LPP: variants seen among roughly 807,000 people sequenced by gnomAD.
LPP encodes LIM domain containing preferred translocation partner in lipoma.
In LPP, 38 loss-of-function variants were observed where a neutral mutation model predicts 60.4. The ratio of observed to expected loss-of-function variants is 0.63; its 90% confidence interval spans 0.49 to 0.83. LPP has a LOEUF of 0.83. Among genes scored for constraint, LPP ranks in the 40% least tolerant of loss-of-function variants. The pLI, the probability that LPP is intolerant of heterozygous loss-of-function variation, is 0.00. For synonymous variants in LPP, 328 were observed against 290.8 expected (o/e 1.13, Z -1.30); for missense variants, 902 against 783.6 (o/e 1.15, Z -1.80).
intron 3 of LPP, among the ~76,000 whole-genome samples, chr3:188,388,118 G>T (rs1239769185): frequency 6.6e-6 from 1 of 151,652 alleles, no homozygotes; most frequent in Non-Finnish European, 1.5e-5. Flanking sequence ...CAATCTTTAG[G>T]ATCCCATTCA....
intron 2 of LPP, among the ~76,000 whole-genome samples, chr3:188,314,649 C>T (rs928311911): frequency 2.0e-5 from 3 of 151,890 alleles, no homozygotes; most frequent in East Asian, 1.9e-4. Context: ...AGTGAAATCT[C>T]GTCTCTAATG....
At chr3:188,248,763 A>G (rs1163021900) in intron 2 of LPP, among the ~76,000 whole-genome samples, 1 of 151,932 alleles carries the variant, frequency 6.6e-6, no homozygotes, top group African/African-American at 2.4e-5. Flanking sequence ...ATATTTTGAC[A>G]AAGAAGAAAG....
intron 8 of LPP, among the ~76,000 whole-genome samples, chr3:188,734,860 T>C (rs1437174120): frequency 6.6e-6 from 1 of 152,184 alleles, no homozygotes; most frequent in Non-Finnish European, 1.5e-5. Flanking sequence ...GGGGAGCATA[T>C]GGTCAAGAGC....
Position 188,817,952 on chromosome 3 carries a change from A to G in LPP, c.1411-48248A>G, listed in dbSNP as rs569588857. Among the ~76,000 whole-genome samples the G allele has an allele frequency of 7.9e-5, 12 of 152,300 alleles. No homozygotes were observed. In the South Asian group the frequency reaches 2.5e-3, roughly 32 times the overall value. On this transcript the variant is annotated intron_variant, in intron 9 of 11. Transcript: ENST00000617246. ...CAACTGGCTATACATGCTTTTAGGA[A>G]AGTTGCAGGGATCATATTCTAAGGC...
At chr3:188,355,005 GTTTGTTTTTTCTTT>G (rs1468882154) in intron 3 of LPP, among the ~76,000 whole-genome samples, 1 of 151,992 alleles carries the variant, frequency 6.6e-6, no homozygotes, top group Non-Finnish European at 1.5e-5. Flanking sequence ...ATATATTTTT[GTTTGTTTTTTCTTT>G]TTTGTTTTTA....
rs757841373 is a variant in LPP, at chr3:188,877,124, G to A, written c.*2645G>A. Reference sequence around the variant, plus strand: ...GGATCCTACAATATTTTATTCTAGGGTTTCTTAAATATATGATTTATATTA... The same window carrying A: ...GGATCCTACAATATTTTATTCTAGGATTTCTTAAATATATGATTTATATTA... On this transcript the variant is annotated 3_prime_UTR_variant, in exon 12 of 12. Coordinates refer to ENST00000617246, the MANE Select transcript of LPP (RefSeq NM_001375462.1). 1 of 173,246 alleles carries A rather than the reference G, an allele frequency of 5.8e-6. No individual in the cohort carries two copies. Among genetic ancestry groups the A allele is most frequent in the Non-Finnish European group, 1.2e-5 (1 of 80,538 alleles). The allele number at this position is 173,246 out of a possible 1,614,324, so 10.7% of individuals were successfully genotyped here.
chr3:188,619,317 GC>G (rs1337737652), intron 7 of LPP, among the ~76,000 whole-genome samples: 2 of 152,142 alleles, frequency 1.3e-5, no homozygotes, highest in African/African-American at 4.8e-5. Flanking sequence ...GAGCCACCAC[GC>G]CTGGACAGAA....
intron 6 of LPP, among the ~76,000 whole-genome samples, chr3:188,590,216 T>A (rs945997151): frequency 2.0e-5 from 3 of 152,194 alleles, no homozygotes; most frequent in Non-Finnish European, 2.9e-5. Context: ...ATAGAGAATA[T>A]CTAGGAACAA....
At chr3:188,560,708 G>A (rs980664768) in intron 6 of LPP, among the ~76,000 whole-genome samples, 1 of 152,090 alleles carries the variant, frequency 6.6e-6, no homozygotes, top group African/African-American at 2.4e-5. Context: ...GGAATTCAAA[G>A]TCTATGTGTT....
At position 188,182,417 on chromosome 3, in the gene LPP, G is replaced by A. The variant is rs1458680312; in HGVS notation, c.-190+28165G>A. The stretch of plus-strand genomic sequence containing the variant: ...CCCTACCTCGTTCTTTTCATTGGTC[G>A]GAACTTCCTGTGACTAGACCATGGG... On this transcript the variant is annotated intron_variant, in intron 1 of 11. Transcript: ENST00000617246. The surrounding 1 kb of genome is among the most constrained non-coding windows in gnomAD (Gnocchi z 4.4). Among the ~76,000 whole-genome samples, 4 of 152,124 alleles carry A rather than the reference G, an allele frequency of 2.6e-5. No individual in the cohort carries two copies. Among genetic ancestry groups the A allele is most frequent in the South Asian group, 2.1e-4 (1 of 4,822 alleles).
At chr3:188,772,783 G>T (rs1270649893) in intron 9 of LPP, among the ~76,000 whole-genome samples, 1 of 151,992 alleles carries the variant, frequency 6.6e-6, no homozygotes, top group African/African-American at 2.4e-5. Flanking sequence ...ATCATAATAG[G>T]TGAACCTATT....
At chr3:188,558,247 C>A (rs1012280672) in intron 6 of LPP, among the ~76,000 whole-genome samples, 2 of 152,106 alleles carry the variant, frequency 1.3e-5, no homozygotes, top group Non-Finnish European at 2.9e-5. Flanking sequence ...CTGTGCTGTA[C>A]TCTGTAGAGT....
At chr3:188,249,829 TACACACACACACACAC>T (rs61215623) in intron 2 of LPP, among the ~76,000 whole-genome samples, 8 of 111,166 alleles carry the variant, frequency 7.2e-5, no homozygotes, top group East Asian at 2.5e-4. Flanking sequence ...TTTCTCTGTC[TACACACACACACACAC>T]ACACACACAC....
intron 6 of LPP, among the ~76,000 whole-genome samples, chr3:188,605,435 C>A (rs893257220): frequency 1.3e-5 from 2 of 152,072 alleles, no homozygotes; most frequent in Admixed American, 1.3e-4. Flanking sequence ...AAATGAAAAG[C>A]AGATCAGGGT....
At chr3:188,211,819 G>T (rs1734775361) in intron 1 of LPP, among the ~76,000 whole-genome samples, 2 of 145,176 alleles carry the variant, frequency 1.4e-5, no homozygotes, top group African/African-American at 2.7e-5. Context: ...GAGACTTGGG[G>T]CTGTTCTTTT....
chr3:188,601,243 TATTG>T (rs1841111141), intron 6 of LPP, among the ~76,000 whole-genome samples: 5 of 152,190 alleles, frequency 3.3e-5, no homozygotes, highest in Non-Finnish European at 5.9e-5. Context: ...AATCCTCATG[TATTG>T]ATTATTTAAA....
rs536614463 is a variant in LPP at position 188,801,335 on chromosome 3, T to G, written c.1410+41053T>G. Among the ~76,000 whole-genome samples the G allele has an allele frequency of 3.3e-5, 5 of 152,320 alleles. No individual in the cohort carries two copies. The South Asian group carries it at 8.3e-4, about 25-fold the overall frequency. On this transcript the variant is annotated intron_variant, in intron 9 of 11. Transcript: ENST00000617246. ...ATATACATGCAATACTGAAGAAATCTCTAATGCATTCTATATTCTGTAACA... is the reference window on the plus strand; with the variant it reads ...ATATACATGCAATACTGAAGAAATCGCTAATGCATTCTATATTCTGTAACA...
intron 3 of LPP, among the ~76,000 whole-genome samples, chr3:188,397,555 C>T (rs575965446): frequency 2.6e-5 from 4 of 151,904 alleles, no homozygotes; most frequent in African/African-American, 4.8e-5. Context: ...TTTCGAGTGC[C>T]GTTCTGAATC....
chr3:188,564,814 G>T (rs1446373633), intron 6 of LPP, among the ~76,000 whole-genome samples: 3 of 151,874 alleles, frequency 2.0e-5, no homozygotes, highest in African/African-American at 7.3e-5. Context: ...TGTCCGGTGG[G>T]TCTTTGTTGG....
Sources: gnomAD v4.1 joint callset for allele counts (sites outside exome capture counted in the v4.1 genomes callset) on GRCh38, gnomAD v4.1.1 for gene constraint, Gnocchi (gnomAD v3.1) non-coding constraint, MANE v1.5 for transcripts, NCBI Gene and HGNC (gene_info 2026-07-23, HGNC 2026-07-21) for gene names.